Variants in SZT2 observed in about 807,000 individuals in gnomAD.
SZT2 encodes SZT2 subunit of KICSTOR complex.
SZT2 carries 216 observed loss-of-function variants against 404.2 expected under a neutral mutation model. That is an observed-to-expected ratio of 0.53 (90% CI 0.48 to 0.60). The LOEUF (loss-of-function observed/expected upper bound fraction) is 0.60, where lower values mean the gene tolerates loss of function less well. SZT2 is among the 20% of genes least tolerant of loss of function. SZT2 has a pLI of 0.00. For synonymous variants in SZT2, 1,693 were observed against 1,749.9 expected, an observed-to-expected ratio of 0.97 and a Z score of 0.81; for missense variants, 3,857 against 4,459.2, an observed-to-expected ratio of 0.86 and a Z score of 3.85.
Position 43,425,477 on chromosome 1 carries a change from C to T in SZT2, c.2649C>T (p.Phe883=). ...CTCAGAGCCCTTCCTCCTTTAGCTT[C>T]TCGACAGATGATGACAATGATGTGG... ...PPHSTSTKDS[F]STDDDNDVEV... is the part of the protein sequence containing the mutation. Residue 883 remains phenylalanine (F), a synonymous_variant, in exon 19 of 72, where the codon TTC becomes TTT. Coordinates refer to ENST00000634258, the MANE Select transcript of SZT2 (RefSeq NM_001365999.1). This position sits in a 1 kb window ranked among gnomAD's most constrained non-coding sequence, Gnocchi z 4.3. 3 of 1,614,174 alleles carry T rather than the reference C, an allele frequency of 1.9e-6. No homozygotes were observed. The highest frequency in any genetic ancestry group is 2.5e-6 in the Non-Finnish European group (3 of 1,180,018).
At position 43,434,582 on chromosome 1, in the gene SZT2, T is replaced by A. The variant is rs904987092; in HGVS notation, c.5904+97T>A. 6.4e-6 allele frequency: 7 copies of A among 1,089,104 alleles called. No individual in the cohort carries two copies. In the African/African-American group the frequency reaches 1.1e-4, roughly 17 times the overall value. 67.5% of individuals were successfully genotyped at this position (1,089,104 alleles called of 1,614,324 possible). A position where few individuals can be genotyped will look rare whatever the true frequency, so the allele number is the denominator to read the frequency against. On this transcript the variant is annotated intron_variant, in intron 41 of 71. Transcript: ENST00000634258. ...CAGAGGCTATTGGTCCATTTCAGAATCAATAATTATGGAAAGTTTTTGACT... is the reference window on the plus strand; with the variant it reads ...CAGAGGCTATTGGTCCATTTCAGAAACAATAATTATGGAAAGTTTTTGACT...
chr1:43,448,121 C>T lies in SZT2; in HGVS notation c.9606C>T (p.Phe3202=). ...FVVLTSQREL[F]PRLTADMRRF... is the part of the protein sequence containing the mutation. ...TGCTCACCAGCCAGCGAGAGCTCTT[C>T]CCCAGGCTCACTGCTGACATGCGCC... Residue 3202 remains phenylalanine (F), a synonymous_variant, in exon 69 of 72, where the codon TTC becomes TTT. Transcript: ENST00000634258. The surrounding 1 kb of genome is among the most constrained non-coding windows in gnomAD (Gnocchi z 4.2). 3 of 1,603,298 alleles carry T rather than the reference C, an allele frequency of 1.9e-6. No individual in the cohort carries two copies. The highest frequency in any genetic ancestry group is 8.5e-7 in the Non-Finnish European group (1 of 1,173,044).
chr1:43,403,067 C>T, intron 1 of SZT2, 110 bp from the exon 2 acceptor site: 2 of 1,186,262 alleles, frequency 1.7e-6, no homozygotes, highest in Non-Finnish European at 2.4e-6. Flanking sequence ...CTGCTGTTTT[C>T]CCTCTCATTG....
At chr1:43,396,320 A>T (rs967920435) in intron 1 of SZT2, among the ~76,000 whole-genome samples, 1 of 152,224 alleles carries the variant, frequency 6.6e-6, no homozygotes, top group Non-Finnish European at 1.5e-5. Context: ...CTGTCATCAC[A>T]TGTTTAATAG....
At position 43,441,302 on chromosome 1, in the gene SZT2, G is replaced by A. The variant is rs1163890405; in HGVS notation, c.7433G>A (p.Arg2478His). 5 of 1,614,116 alleles carry A rather than the reference G, an allele frequency of 3.1e-6. No homozygotes were observed. The highest frequency in any genetic ancestry group is 2.2e-5 in the East Asian group (1 of 44,902). Residue 2478 changes from arginine (R) to histidine (H), a missense_variant, in exon 53 of 72, where the codon CGT becomes CAT. Physicochemically the swap from Arg to His is conservative, Grantham distance 29. Coordinates refer to ENST00000634258, the MANE Select transcript of SZT2 (RefSeq NM_001365999.1). The surrounding 1 kb of genome is among the most constrained non-coding windows in gnomAD (Gnocchi z 4.8). The part of the protein sequence containing the change: ...DRPEDTRGRR[R>H]HKTESVRTPG... ...CCAGAAGACACTCGGGGCCGGAGGC[G>A]TCACAAAACCGAGAGTGTTCGGACT...
intron 1 of SZT2, among the ~76,000 whole-genome samples, chr1:43,402,407 T>C (rs1409917162): frequency 6.6e-6 from 1 of 152,196 alleles, no homozygotes; most frequent in Non-Finnish European, 1.5e-5. Context: ...GCCAGGAGAA[T>C]TCAGAGGACT....
chr1:43,442,374 TA>T lies in SZT2; in HGVS notation c.7974+7del. The stretch of plus-strand genomic sequence containing the variant: ...TAGAGGTTGTGGACAAGAAGGTAAA[TA>T]TGGGGCCAGGGACTGGGTGGGAAGA... On this transcript the variant is annotated splice_region_variant and intron_variant, in intron 57 of 71. Transcript: ENST00000634258. The surrounding 1 kb of genome is among the most constrained non-coding windows in gnomAD (Gnocchi z 4.5). 1 of 1,613,484 alleles carries T rather than the reference TA, an allele frequency of 6.2e-7. No homozygotes were observed. The highest frequency in any genetic ancestry group is 8.5e-7 in the Non-Finnish European group (1 of 1,179,756).
chr1:43,448,110 C>T lies in SZT2; in HGVS notation c.9595C>T (p.Arg3199Ter), dbSNP rs1421024694. ...LQFFVVLTSQRELFPRLTADM... is the reference protein window; with the variant it reads ...LQFFVVLTSQ ...GTTCTTCGTGGTGCTCACCAGCCAGCGAGAGCTCTTCCCCAGGCTCACTGC... is the reference window on the plus strand; with the variant it reads ...GTTCTTCGTGGTGCTCACCAGCCAGTGAGAGCTCTTCCCCAGGCTCACTGC... Residue 3199 changes from arginine to a stop codon, truncating the protein, a stop_gained, in exon 69 of 72, where the codon CGA becomes TGA. Coordinates refer to ENST00000634258, the MANE Select transcript of SZT2 (RefSeq NM_001365999.1). LOFTEE classifies it high-confidence loss of function. The surrounding 1 kb of genome is among the most constrained non-coding windows in gnomAD (Gnocchi z 4.2). 5 of 1,598,176 alleles carry T rather than the reference C, an allele frequency of 3.1e-6. No homozygotes were observed. The highest frequency in any genetic ancestry group is 4.3e-6 in the Non-Finnish European group (5 of 1,169,676).
At chr1:43,419,072 G>A (rs1351635159) in intron 7 of SZT2, among the ~76,000 whole-genome samples, 4 of 152,222 alleles carry the variant, frequency 2.6e-5, no homozygotes, top group African/African-American at 9.6e-5. Context: ...AACACTTTCT[G>A]CAAAGGCCAG....
chr1:43,397,140 A>G (rs1375530519), intron 1 of SZT2, among the ~76,000 whole-genome samples: 3 of 152,202 alleles, frequency 2.0e-5, no homozygotes, highest in Non-Finnish European at 2.9e-5. Flanking sequence ...ACAGCAAGAA[A>G]CAATGTATAG....
Position 43,447,598 on chromosome 1 carries a change from G to A in SZT2, c.9340G>A (p.Val3114Met), listed in dbSNP as rs971225779. ...TGCTGCCCACCAGCTATACAACTAC[G>A]TGGCTGATCACGCCAGCTCTTACCA... ...LIAAHQLYNY[V>M]ADHASSYHMK... Residue 3114 changes from valine (V) to methionine (M), a missense_variant, in exon 67 of 72, where the codon GTG becomes ATG. This residue lies in a region of SZT2 where 717 missense variants were observed against 868.2 expected (regional missense o/e 0.83). Transcript: ENST00000634258. 9.3e-6 allele frequency: 15 copies of A among 1,614,048 alleles called. No homozygotes were observed. The highest frequency in any genetic ancestry group is 6.7e-5 in the East Asian group (3 of 44,892).
Position 43,432,126 on chromosome 1 carries a change from G to A in SZT2, c.5275-146G>A, listed in dbSNP as rs1415512378. On this transcript the variant is annotated intron_variant, in intron 36 of 71. Coordinates refer to ENST00000634258, the MANE Select transcript of SZT2 (RefSeq NM_001365999.1). ...ACTGCTCCTGTTGAACCTTAGGCAA[G>A]TCACTGAATCTTTTCTTACCTCAGC... is the stretch of plus-strand genomic sequence containing the variant. 13 of 1,110,190 alleles carry A rather than the reference G, an allele frequency of 1.2e-5. No individual in the cohort carries two copies. The African/African-American group carries it at 2.0e-4, about 17-fold the overall frequency. The allele number at this position is 1,110,190 out of a possible 1,614,324, so 68.8% of individuals were successfully genotyped here. A position where few individuals can be genotyped will look rare whatever the true frequency, so the allele number is the denominator to read the frequency against.
At position 43,437,336 on chromosome 1, in the gene SZT2, C is replaced by T. The variant is rs1654561941; in HGVS notation, c.6187+13C>T. ...GGGGTCTCTCGGGGTATGTGATTGGCATGAGAGGGCAGGTGAGCATTGGAA... is the reference window on the plus strand; with the variant it reads ...GGGGTCTCTCGGGGTATGTGATTGGTATGAGAGGGCAGGTGAGCATTGGAA... On this transcript the variant is annotated intron_variant, in intron 43 of 71. Coordinates refer to ENST00000634258, the MANE Select transcript of SZT2 (RefSeq NM_001365999.1). This position sits in a 1 kb window ranked among gnomAD's most constrained non-coding sequence, Gnocchi z 5.3. 1.2e-6 allele frequency: 2 copies of T among 1,613,986 alleles called. No homozygotes were observed. Among genetic ancestry groups the T allele is most frequent in the Admixed American group, 3.3e-5 (2 of 59,996 alleles).
At chr1:43,431,157 A>G in intron 33 of SZT2, 67 bp downstream of exon 33, 1 of 1,586,840 alleles carries the variant, frequency 6.3e-7, no homozygotes, top group Non-Finnish European at 8.6e-7. Context: ...AAGCGAATCT[A>G]GAGCACTTGG....
Position 43,416,590 on chromosome 1 carries a change from GAC to G in SZT2, c.831_832del (p.Leu278AlafsTer23). 1 of 1,598,396 alleles carries G rather than the reference GAC, an allele frequency of 6.3e-7. No homozygotes were observed. Among genetic ancestry groups the G allele is most frequent in the South Asian group, 1.1e-5 (1 of 91,044 alleles). Reference protein sequence around the residue: ...TSVPDVAVCETLLNQLRSGTV... With the variant: ...TSVPDVAVCEXLLNQLRSGTV... ...GTGTACCTGATGTTGCTGTCTGTGAGACACTGCTGAACCAGCTTCGCAGTGGC... is the reference window on the plus strand; with the variant it reads ...GTGTACCTGATGTTGCTGTCTGTGAGACTGCTGAACCAGCTTCGCAGTGGC... On this transcript the variant is annotated frameshift_variant, in exon 7 of 72. Coordinates refer to ENST00000634258, the MANE Select transcript of SZT2 (RefSeq NM_001365999.1). LOFTEE classifies it high-confidence loss of function.
At chr1:43,440,214 C>T (rs1401231579) in intron 51 of SZT2, among the ~76,000 whole-genome samples, 166 bp downstream of exon 51, 2 of 152,180 alleles carry the variant, frequency 1.3e-5, no homozygotes, top group Non-Finnish European at 2.9e-5. Flanking sequence ...GGGCATCATC[C>T]AGGTGCTACA....
intron 41 of SZT2, among the ~76,000 whole-genome samples, chr1:43,434,893 GC>G (rs1260494632): frequency 1.3e-5 from 2 of 152,220 alleles, no homozygotes; most frequent in Admixed American, 1.3e-4. Context: ...AGTAGAAGCT[GC>G]TACGAAAGCA....
In SZT2 at chr1:43,422,843, T is replaced by C. The variant is rs1286532083; in HGVS notation, c.1997T>C (p.Leu666Pro). Reference protein sequence around the residue: ...ISKAPCMVLRLGFPIGTPAPA... With the variant: ...ISKAPCMVLRPGFPIGTPAPA... ...AAGGCCCCATGCATGGTTCTTCGCC[T>C]GGGTTTTCCCATTGGCACACCAGCA... The change falls in exon 14 of 72, where the codon CTG becomes CCG. Residue 666 changes from leucine (L) to proline (P), a missense_variant. By Grantham distance (98) the Leu-to-Pro change is moderately conservative. Around this residue, in one of 7 missense-constraint regions of SZT2, gnomAD observed 1,725 missense variants for 1,881.0 expected, o/e 0.92. Coordinates refer to ENST00000634258, the MANE Select transcript of SZT2 (RefSeq NM_001365999.1). 2 of 1,592,890 alleles carry C rather than the reference T, an allele frequency of 1.3e-6. No homozygotes were observed. Among genetic ancestry groups the C allele is most frequent in the Admixed American group, 1.7e-5 (1 of 59,438 alleles).
rs1557587214 is a variant in SZT2, at chr1:43,439,747, GGTT to G, written c.7026_7028del (p.Val2343del). The G allele has an allele frequency of 1.2e-6, 2 of 1,601,240 alleles. No individual in the cohort carries two copies. Among genetic ancestry groups the G allele is most frequent in the Admixed American group, 3.4e-5 (2 of 58,784 alleles). On this transcript the variant is annotated inframe_deletion, in exon 50 of 72. Transcript: ENST00000634258. The surrounding 1 kb of genome is among the most constrained non-coding windows in gnomAD (Gnocchi z 4.2). ...AACTGACCCAGGTCATCCGCTGCCC[GGTT>G]GTTGTGGACAGTTCTTCAGGTGGGA...
Sources: allele counts gnomAD v4.1 joint callset (sites outside exome capture counted in the v4.1 genomes callset), GRCh38; gene constraint gnomAD v4.1.1; regional missense constraint gnomAD v4.1.1; non-coding constraint Gnocchi (gnomAD v3.1); transcripts MANE v1.5; gene names NCBI Gene and HGNC (gene_info 2026-07-23, HGNC 2026-07-21).